Variants in ATP8B1 observed in about 807,000 individuals in gnomAD.
The protein encoded by ATP8B1 is ATPase phospholipid transporting 8B1.
In ATP8B1, 80 loss-of-function variants were observed where a neutral mutation model predicts 149.9. The ratio of observed to expected loss-of-function variants is 0.53; its 90% CI spans 0.45 to 0.64. The LOEUF (loss-of-function observed/expected upper bound fraction) is 0.64. ATP8B1 is among the 30% of genes least tolerant of loss of function. The pLI is 0.00. For synonymous variants in ATP8B1, 536 were observed against 562.8 expected (o/e 0.95, Z 0.67); for missense variants, 1,247 against 1,552.6 (o/e 0.80, Z 3.31).
chr18:57,785,365 A>G (rs2080396795), intron 1 of ATP8B1, among the ~76,000 whole-genome samples: 1 of 152,014 alleles, frequency 6.6e-6, no homozygotes. Flanking sequence ...AAAATGCCAT[A>G]AGAGTCCTTT....
intron 21 of ATP8B1, 104 bp downstream of exon 21, chr18:57,662,377 TAA>T: frequency 7.1e-7 from 1 of 1,402,668 alleles, no homozygotes; most frequent in Non-Finnish European, 1.0e-6. Context: ...ATGTATAGGC[TAA>T]GAGACTTTTA....
Position 57,763,534 on chromosome 18 carries a change from G to C in ATP8B1, c.-25-31702C>G, listed in dbSNP as rs75909166. ...CCAACAAACATTTTCAAGTTTGTTA[G>C]AACTAAACAGAACCTACTAGAATCA... On this transcript the variant is annotated intron_variant, in intron 1 of 27. Coordinates refer to ENST00000648908, the MANE Select transcript of ATP8B1 (RefSeq NM_001374385.1). Among the ~76,000 whole-genome samples the C allele has an allele frequency of 6.7e-3, 1,015 of 152,208 alleles. 9 individuals carry two copies. Among genetic ancestry groups the C allele is most frequent in the Middle Eastern group, 0.017 (5 of 292 alleles).
chr18:57,762,421 G>A (rs150123367), intron 1 of ATP8B1, among the ~76,000 whole-genome samples: 26 of 152,264 alleles, frequency 1.7e-4, no homozygotes, highest in Admixed American at 8.5e-4. Context: ...TTACAGGTGT[G>A]AGCCAATGTG....
chr18:57,686,982 T>C (rs559755158), intron 13 of ATP8B1, among the ~76,000 whole-genome samples: 24 of 152,332 alleles, frequency 1.6e-4, no homozygotes, highest in Middle Eastern at 6.8e-3. Flanking sequence ...TAGCTGGAAC[T>C]ATAGGCATGC....
chr18:57,731,512 C>T, intron 2 of ATP8B1, 115 bp downstream of exon 2: 1 of 1,183,594 alleles, frequency 8.4e-7, no homozygotes, highest in African/African-American at 1.5e-5. Context: ...AAGAAGAGAT[C>T]AGAGAAGATT....
At chr18:57,697,574 C>A in intron 8 of ATP8B1, 44 bp downstream of exon 8, 1 of 1,600,318 alleles carries the variant, frequency 6.2e-7, no homozygotes, top group South Asian at 1.1e-5. Context: ...ATGAATGTGC[C>A]TTCAAAGGCC....
At chr18:57,764,756 TCA>T (rs1491374031) in intron 1 of ATP8B1, among the ~76,000 whole-genome samples, 17,569 of 66,148 alleles carry the variant, frequency 0.27, 1,372 homozygotes, top group South Asian at 0.42. Flanking sequence ...CTTTCAGTTG[TCA>T]AAAAAAAAAA....
At chr18:57,695,367 C>T in intron 9 of ATP8B1, 38 bp from the exon 10 acceptor site, 1 of 1,591,494 alleles carries the variant, frequency 6.3e-7, no homozygotes, top group Non-Finnish European at 8.6e-7. Context: ...TAATCACATA[C>T]AAAAGTCTTT....
At chr18:57,657,165 A>T (rs1910060294) in intron 22 of ATP8B1, among the ~76,000 whole-genome samples, 1 of 151,910 alleles carries the variant, frequency 6.6e-6, no homozygotes, top group African/African-American at 2.4e-5. Context: ...GTTCTCCAAT[A>T]CTTGTAATCA....
intron 2 of ATP8B1, among the ~76,000 whole-genome samples, chr18:57,720,620 T>C (rs1444358643): frequency 1.7e-5 from 2 of 120,162 alleles, no homozygotes; most frequent in Admixed American, 9.1e-5. Flanking sequence ...CTACGTCTGA[T>C]TGGTGTACCT....
At chr18:57,776,020 G>A (rs2080303212) in intron 1 of ATP8B1, among the ~76,000 whole-genome samples, 1 of 152,184 alleles carries the variant, frequency 6.6e-6, no homozygotes, top group Admixed American at 6.5e-5. Flanking sequence ...AATGATGCCA[G>A]GATAAGGAGT....
At chr18:57,712,112 C>T (rs1044286221) in intron 2 of ATP8B1, among the ~76,000 whole-genome samples, 3 of 151,322 alleles carry the variant, frequency 2.0e-5, no homozygotes, top group South Asian at 2.1e-4. Flanking sequence ...GAAGCTCGCA[C>T]GAATTGTAAT....
intron 26 of ATP8B1, 74 bp from the exon 27 acceptor site, chr18:57,650,571 G>A (rs1333798342): frequency 6.4e-7 from 1 of 1,551,052 alleles, no homozygotes; most frequent in African/African-American, 1.4e-5. Context: ...CGCCAGGTGT[G>A]GTGGCTCATG....
intron 1 of ATP8B1, among the ~76,000 whole-genome samples, chr18:57,776,065 G>A (rs977906986): frequency 1.3e-5 from 2 of 152,184 alleles, no homozygotes; most frequent in Admixed American, 6.5e-5. Context: ...GGAGGCATGA[G>A]TCACTGAAAA....
In ATP8B1 at chr18:57,647,920, C is replaced by G. The variant is rs532112071; in HGVS notation, c.*568G>C. On this transcript the variant is annotated 3_prime_UTR_variant, in exon 28 of 28. Coordinates refer to ENST00000648908, the MANE Select transcript of ATP8B1 (RefSeq NM_001374385.1). ...GTTGGCCGGGCTGGTCTCCTGACCT[C>G]AAGTGATCCACCTGCCTTGGCCTCC... 51 of 175,624 alleles carry G rather than the reference C, an allele frequency of 2.9e-4. No individual in the cohort carries two copies. Among genetic ancestry groups the G allele is most frequent in the African/African-American group, 1.1e-3 (47 of 41,476 alleles). The allele number at this position is 175,624 out of a possible 1,614,324, so 10.9% of individuals were successfully genotyped here.
At position 57,655,397 on chromosome 18, in the gene ATP8B1, T is replaced by C. The variant is rs1252212247; in HGVS notation, c.2728A>G (p.Ile910Val). 3 of 1,614,108 alleles carry C rather than the reference T, an allele frequency of 1.9e-6. No individual in the cohort carries two copies. Among genetic ancestry groups the C allele is most frequent in the Non-Finnish European group, 2.5e-6 (3 of 1,180,038 alleles). The change falls in exon 23 of 28, where the codon ATA becomes GTA. Residue 910 changes from isoleucine (I) to valine (V), a missense_variant. This residue lies in a region of ATP8B1 where 230 missense variants were observed against 356.6 expected (regional missense o/e 0.65). Coordinates refer to ENST00000648908, the MANE Select transcript of ATP8B1 (RefSeq NM_001374385.1). ...MIKTAHIGVG[I>V]SGQEGMQAVM... ...GCTTGCATTCCTTCTTGTCCACTTATTCCAACGCCAATGTGGGCAGCTATG... is the reference window on the plus strand; with the variant it reads ...GCTTGCATTCCTTCTTGTCCACTTACTCCAACGCCAATGTGGGCAGCTATG...
rs181570529 is a variant in ATP8B1 at position 57,770,729 on chromosome 18, C to T, written c.-26+32269G>A. Among the ~76,000 whole-genome samples the T allele has an allele frequency of 2.6e-5, 4 of 152,228 alleles. No individual in the cohort carries two copies. In the East Asian group the frequency reaches 5.8e-4, roughly 22 times the overall value. ...CAGGTATACTGGGGCTTGCCTACTG[C>T]GGCAGATCGCAAGTTCATGGCAATA... On this transcript the variant is annotated intron_variant, in intron 1 of 27. Coordinates refer to ENST00000648908, the MANE Select transcript of ATP8B1 (RefSeq NM_001374385.1).
intron 2 of ATP8B1, among the ~76,000 whole-genome samples, chr18:57,728,517 T>C (rs2079729810): frequency 6.6e-6 from 1 of 151,918 alleles, no homozygotes; most frequent in African/African-American, 2.4e-5. Context: ...GCAGGGCACA[T>C]GGGAAATGGG....
At chr18:57,761,005 AATAAAATAAC>A (rs1170869198) in intron 1 of ATP8B1, among the ~76,000 whole-genome samples, 17 of 82,250 alleles carry the variant, frequency 2.1e-4, no homozygotes, top group Non-Finnish European at 4.4e-4. Context: ...AATAAAATAA[AATAAAATAAC>A]ATAAAATAAC....
Sources: allele counts gnomAD v4.1 joint callset (sites outside exome capture counted in the v4.1 genomes callset), GRCh38; gene constraint gnomAD v4.1.1; regional missense constraint gnomAD v4.1.1; transcripts MANE v1.5; gene names NCBI Gene and HGNC (gene_info 2026-07-23, HGNC 2026-07-21).